The following TNRC6C variants were observed in gnomAD, a reference collection of about 807,000 sequenced individuals.
The protein encoded by TNRC6C is trinucleotide repeat-containing gene 6C protein.
Under a neutral mutation model 153.7 loss-of-function variants are expected in TNRC6C, and 20 were observed. The ratio of observed to expected loss-of-function variants is 0.13; its 90% CI spans 0.09 to 0.19. The LOEUF (loss-of-function observed/expected upper bound fraction) is 0.19, where lower values mean the gene tolerates loss of function less well. TNRC6C is among the 10% of genes least tolerant of loss of function. TNRC6C has a pLI of 1.00. For missense variants in TNRC6C, 1,987 were observed against 2,172.0 expected (o/e 0.91, Z 1.69); for synonymous variants, 811 against 841.4 (o/e 0.96, Z 0.63).
intron 1 of TNRC6C, among the ~76,000 whole-genome samples, chr17:77,960,208 G>T (rs934703227): frequency 2.6e-5 from 4 of 152,120 alleles, no homozygotes; most frequent in Admixed American, 6.5e-5. Context: ...TGGTCCGCTC[G>T]GTTATTTCTA....
intron 11 of TNRC6C, among the ~76,000 whole-genome samples, chr17:78,083,823 T>A (rs76717748): frequency 0.012 from 1,785 of 152,320 alleles, 32 homozygotes; most frequent in African/African-American, 0.04. Flanking sequence ...GATTTTTTTT[T>A]AATTTTCAAT....
chr17:78,092,101 G>A (rs376007413), intron 14 of TNRC6C, among the ~76,000 whole-genome samples: 7 of 152,162 alleles, frequency 4.6e-5, no homozygotes, highest in Admixed American at 2.0e-4. Flanking sequence ...CACGAGTAAG[G>A]TGGAAGCAAA....
chr17:77,959,704 G>T lies in TNRC6C; in HGVS notation c.-38+436G>T, dbSNP rs537758593. On this transcript the variant is annotated intron_variant, in intron 1 of 22. Coordinates refer to the TNRC6C transcript ENST00000636222. ...GAAAAACCCGGGGCGTGCTGCGGGT[G>T]GGCGGAGAAGGACCCCTGGGCGCTC... is the stretch of plus-strand genomic sequence containing the variant. Among the ~76,000 whole-genome samples, 14 of 152,262 alleles carry T rather than the reference G, an allele frequency of 9.2e-5. No homozygotes were observed. The South Asian group carries it at 2.9e-3, about 32-fold the overall frequency.
At chr17:78,001,672 G>A (rs2071414547), upstream of TNRC6C, among the ~76,000 whole-genome samples, 1 of 152,134 alleles carries the variant, frequency 6.6e-6, no homozygotes, top group South Asian at 2.1e-4. Context: ...TACCAACAGT[G>A]ATCCAATAAA....
intron 2 of TNRC6C, among the ~76,000 whole-genome samples, chr17:78,036,179 C>A (rs189834953): frequency 1.3e-5 from 2 of 152,158 alleles, no homozygotes; most frequent in Admixed American, 6.5e-5. Flanking sequence ...GCTTCGCACA[C>A]GAATTTCTGT....
At chr17:78,105,994 T>G (rs537149191) in exon 20 of TNRC6C, 1 of 151,630 alleles carries the variant, frequency 6.6e-6, no homozygotes, top group Non-Finnish European at 1.5e-5. Flanking sequence ...TGTGGACTAA[T>G]GCAAGAAAAT....
intron 1 of TNRC6C, among the ~76,000 whole-genome samples, chr17:77,995,906 C>T (rs920912686): frequency 9.2e-5 from 14 of 152,270 alleles, no homozygotes; most frequent in East Asian, 1.9e-4. Flanking sequence ...GACACTGTCT[C>T]CACAAAAAAT....
chr17:77,976,449 T>C (rs2070998356), intron 1 of TNRC6C, among the ~76,000 whole-genome samples: 1 of 152,226 alleles, frequency 6.6e-6, no homozygotes, highest in African/African-American at 2.4e-5. Context: ...GATTGTCAGT[T>C]CAGTTTACTG....
At chr17:78,077,150 A>G in intron 8 of TNRC6C, 35 bp from the exon 11 acceptor site, 1 of 1,585,722 alleles carries the variant, frequency 6.3e-7, no homozygotes, top group South Asian at 1.2e-5. Flanking sequence ...GCTGATGGAC[A>G]CTGCACACAG....
chr17:77,995,108 A>T (rs188936294), intron 1 of TNRC6C, among the ~76,000 whole-genome samples: 18 of 152,364 alleles, frequency 1.2e-4, no homozygotes, highest in African/African-American at 4.3e-4. Context: ...CAGAATAAAG[A>T]AAGCCTTAGA....
intron 5 of TNRC6C, among the ~76,000 whole-genome samples, chr17:78,068,887 A>T (rs1364911668): frequency 2.0e-5 from 3 of 152,104 alleles, no homozygotes. Context: ...CGTGTATCTC[A>T]TTTTTTTCTA....
At chr17:78,033,084 T>G (rs1291419499) in intron 2 of TNRC6C, among the ~76,000 whole-genome samples, 1 of 152,216 alleles carries the variant, frequency 6.6e-6, no homozygotes, top group Non-Finnish European at 1.5e-5. Context: ...TAGACCTAAA[T>G]AGCTTGGTGT....
chr17:78,076,696 T>A (rs2073091771), intron 8 of TNRC6C, among the ~76,000 whole-genome samples: 1 of 152,132 alleles, frequency 6.6e-6, no homozygotes, highest in Non-Finnish European at 1.5e-5. Context: ...CCTCAGTAGA[T>A]GTTAAAAAAA....
chr17:78,067,719 A>G lies in TNRC6C; in HGVS notation c.2612-38A>G, dbSNP rs758067341. On this transcript the variant is annotated intron_variant, in intron 4 of 19. Transcript: ENST00000301624. ...AGTGGAAGCATTGTCTGCGTTAGGG[A>G]CATGAATTTGATAAGTTCATGTTTG... The G allele has an allele frequency of 2.6e-6, 4 of 1,565,638 alleles. No homozygotes were observed. In the Admixed American group the frequency reaches 7.8e-5, roughly 31 times the overall value.
chr17:77,958,542 A>C (rs1162786338), upstream of TNRC6C, among the ~76,000 whole-genome samples: 2 of 151,998 alleles, frequency 1.3e-5, no homozygotes, highest in Non-Finnish European at 2.9e-5. Context: ...GGAGGAGCTC[A>C]GGTGCAGAGT....
At chr17:77,993,600 A>G (rs2071284707) in intron 1 of TNRC6C, among the ~76,000 whole-genome samples, 1 of 152,180 alleles carries the variant, frequency 6.6e-6, no homozygotes, top group South Asian at 2.1e-4. Flanking sequence ...TTAATGAATG[A>G]CTAAAGACTA....
chr17:78,002,879 T>C (rs953742462), upstream of TNRC6C, among the ~76,000 whole-genome samples: 1 of 152,174 alleles, frequency 6.6e-6, no homozygotes, highest in Non-Finnish European at 1.5e-5. Context: ...AGTGAACATA[T>C]GAGATGGACT....
exon 19 of TNRC6C, chr17:78,103,540 A>G (rs1307128324): frequency 9.9e-6 from 16 of 1,613,880 alleles, no homozygotes; most frequent in Non-Finnish European, 1.4e-5. Context: ...CAAGGCCCAG[A>G]AGTCTCTGCA....
Position 78,049,587 on chromosome 17 carries a change from A to AC in TNRC6C, c.527dup (p.Gln177SerfsTer4). 1 of 1,613,930 alleles carries AC rather than the reference A, an allele frequency of 6.2e-7. No individual in the cohort carries two copies. The highest frequency in any genetic ancestry group is 8.5e-7 in the Non-Finnish European group (1 of 1,179,880). ...CTCAGAATGTGTCTTTCAGCGCACA[A>AC]CCTCAGAACCTTAACACTGATGGAC... On this transcript the variant is annotated frameshift_variant, in exon 3 of 20. Coordinates refer to ENST00000301624, the Ensembl canonical transcript of TNRC6C. LOFTEE classifies it high-confidence loss of function. The surrounding 1 kb of genome is among the most constrained non-coding windows in gnomAD (Gnocchi z 4.1).
Sources: allele counts gnomAD v4.1 joint callset (sites outside exome capture counted in the v4.1 genomes callset), GRCh38; gene constraint gnomAD v4.1.1; non-coding constraint Gnocchi (gnomAD v3.1); transcripts MANE v1.5; gene names NCBI Gene and HGNC (gene_info 2026-07-23, HGNC 2026-07-21).